The following IL1RAPL2 variants were observed in gnomAD, a reference collection of about 807,000 sequenced individuals.
The protein encoded by IL1RAPL2 is interleukin 1 receptor accessory protein like 2, also known as X-linked interleukin-1 receptor accessory protein-like 2.
In IL1RAPL2, 3 loss-of-function variants were observed where a neutral mutation model predicts 44.1. The observed-to-expected ratio is 0.07, with a 90% confidence interval of 0.03 to 0.18. IL1RAPL2 has a LOEUF of 0.18. Ranked by LOEUF, IL1RAPL2 falls within the 10% of genes least tolerant of loss-of-function variation. The pLI is 1.00. For synonymous variants in IL1RAPL2, 181 were observed against 178.8 expected (o/e 1.01, Z -0.10); for missense variants, 391 against 496.4 (o/e 0.79, Z 2.02).
chrX:104,879,932 G>C (rs756781307), intron 2 of IL1RAPL2, among the ~76,000 whole-genome samples: 1 of 111,222 alleles, frequency 9.0e-6, no homozygotes, highest in African/African-American at 3.3e-5. Flanking sequence ...TTGATTTTCA[G>C]GTAGCCAAGT....
At chrX:105,075,657 G>A (rs1229359903) in intron 2 of IL1RAPL2, among the ~76,000 whole-genome samples, 1 of 111,986 alleles carries the variant, frequency 8.9e-6, no homozygotes, top group East Asian at 2.8e-4. Context: ...ATTCAGCTGT[G>A]AATCCATCTG....
chrX:104,618,041 T>A (rs1929312920), intron 1 of IL1RAPL2, among the ~76,000 whole-genome samples: 1 of 112,198 alleles, frequency 8.9e-6, no homozygotes, highest in East Asian at 2.8e-4. Context: ...AATATTATTG[T>A]TTTTCTTTTC....
chrX:105,255,366 G>T (rs1603034418), intron 4 of IL1RAPL2, among the ~76,000 whole-genome samples: 1 of 111,824 alleles, frequency 8.9e-6, no homozygotes, highest in East Asian at 2.8e-4. Flanking sequence ...GTATGTGAAT[G>T]CTGGTGATTT....
chrX:104,729,182 A>G (rs1931854164), intron 2 of IL1RAPL2, among the ~76,000 whole-genome samples: 1 of 111,961 alleles, frequency 8.9e-6, no homozygotes, highest in African/African-American at 3.2e-5. Flanking sequence ...TAAGACATAC[A>G]ATGGTAGAAA....
At chrX:105,568,341 T>C (rs1358909632) in intron 6 of IL1RAPL2, among the ~76,000 whole-genome samples, 1 of 112,283 alleles carries the variant, frequency 8.9e-6, no homozygotes, top group Non-Finnish European at 1.9e-5. Context: ...TAACATGGAT[T>C]TATTTTAAAA....
At chrX:104,634,805 G>A (rs1309547878) in intron 1 of IL1RAPL2, among the ~76,000 whole-genome samples, 1 of 111,856 alleles carries the variant, frequency 8.9e-6, no homozygotes, top group Non-Finnish European at 1.9e-5. Flanking sequence ...CAATTTGCCA[G>A]TCTGTGTCTT....
chrX:105,219,161 A>G (rs377104623), intron 3 of IL1RAPL2: 775 of 1,208,652 alleles, frequency 6.4e-4, no homozygotes, highest in Non-Finnish European at 8.2e-4. Flanking sequence ...CCCCCATCAG[A>G]CCACAGGCTA....
At chrX:105,452,764 T>G (rs1383359128) in intron 5 of IL1RAPL2, among the ~76,000 whole-genome samples, 2 of 111,569 alleles carry the variant, frequency 1.8e-5, no homozygotes, top group Admixed American at 9.5e-5. Context: ...TTAAAGATTT[T>G]TCTATATTCA....
intron 2 of IL1RAPL2, among the ~76,000 whole-genome samples, chrX:104,997,376 G>A (rs1234299995): frequency 8.9e-6 from 1 of 111,841 alleles, no homozygotes; most frequent in Non-Finnish European, 1.9e-5. Flanking sequence ...TACTTTAAAA[G>A]TGTGGGTATT....
At chrX:105,707,860 G>A (rs1012196859) in intron 6 of IL1RAPL2, among the ~76,000 whole-genome samples, 1 of 110,885 alleles carries the variant, frequency 9.0e-6, no homozygotes, top group African/African-American at 3.3e-5. Context: ...AGCAGAGTGT[G>A]CATTAAGGAA....
intron 3 of IL1RAPL2, among the ~76,000 whole-genome samples, chrX:105,205,278 C>G (rs782146335): frequency 2.5e-4 from 28 of 109,944 alleles, no homozygotes; most frequent in Non-Finnish European, 5.1e-4. Context: ...GAAATGGGAA[C>G]AGGCTTGATT....
intron 2 of IL1RAPL2, among the ~76,000 whole-genome samples, chrX:105,043,293 A>G (rs1341115617): frequency 9.0e-6 from 1 of 111,149 alleles, no homozygotes; most frequent in Non-Finnish European, 1.9e-5. Context: ...CAGACTAGCC[A>G]GGGGCTCTGG....
chrX:104,917,171 A>G lies in IL1RAPL2; in HGVS notation c.82+258176A>G, dbSNP rs761837290. On this transcript the variant is annotated intron_variant, in intron 2 of 10. Coordinates refer to ENST00000372582, the MANE Select transcript of IL1RAPL2 (RefSeq NM_017416.2). Reference sequence around the variant, plus strand: ...ACCAGCTCCTCTTTGTACCTCTGGTAGAGTTCGGCTGTGAATCCATCTGGT... The same window carrying G: ...ACCAGCTCCTCTTTGTACCTCTGGTGGAGTTCGGCTGTGAATCCATCTGGT... Among the ~76,000 whole-genome samples the G allele has an allele frequency of 9.0e-5, 10 of 111,662 alleles. No homozygotes were observed. In the East Asian group the frequency reaches 2.8e-3, roughly 31 times the overall value.
At chrX:105,452,897 G>T (rs933259078) in intron 5 of IL1RAPL2, among the ~76,000 whole-genome samples, 1 of 112,139 alleles carries the variant, frequency 8.9e-6, no homozygotes, top group African/African-American at 3.2e-5. Flanking sequence ...CCTGCAATGG[G>T]CATTTTACTG....
At chrX:104,954,656 C>T (rs1925666928) in intron 2 of IL1RAPL2, among the ~76,000 whole-genome samples, 1 of 112,030 alleles carries the variant, frequency 8.9e-6, no homozygotes, top group Non-Finnish European at 1.9e-5. Context: ...CCTGCTTCAG[C>T]CTCGCAAGTA....
intron 6 of IL1RAPL2, among the ~76,000 whole-genome samples, chrX:105,625,105 C>T (rs2037444430): frequency 8.9e-6 from 1 of 111,889 alleles, no homozygotes; most frequent in Non-Finnish European, 1.9e-5. Flanking sequence ...CTCAATTCTA[C>T]AGTATTTTTA....
At chrX:105,360,909 G>A (rs2035242883) in intron 5 of IL1RAPL2, among the ~76,000 whole-genome samples, 1 of 111,786 alleles carries the variant, frequency 8.9e-6, no homozygotes, top group Non-Finnish European at 1.9e-5. Context: ...TAAAGTGTTT[G>A]AAGCCAACTC....
chrX:104,595,820 C>G (rs1928753278), intron 1 of IL1RAPL2, among the ~76,000 whole-genome samples: 1 of 111,765 alleles, frequency 8.9e-6, no homozygotes, highest in South Asian at 3.8e-4. Flanking sequence ...CCAAGGATCT[C>G]TTACATAAAA....
intron 2 of IL1RAPL2, among the ~76,000 whole-genome samples, chrX:104,688,997 C>A (rs981804892): frequency 3.6e-5 from 4 of 111,214 alleles, no homozygotes; most frequent in Admixed American, 9.6e-5. Context: ...AAGTCTAAGC[C>A]CAATGTGCGC....
Sources: allele counts gnomAD v4.1 joint callset (sites outside exome capture counted in the v4.1 genomes callset), GRCh38; gene constraint gnomAD v4.1.1; transcripts MANE v1.5; gene names NCBI Gene and HGNC (gene_info 2026-07-23, HGNC 2026-07-21).